The following AGBL4 variants were observed in gnomAD, a reference collection of about 807,000 sequenced individuals.
The protein encoded by AGBL4 is AGBL carboxypeptidase 4.
AGBL4 carries 58 observed loss-of-function variants against 66.4 expected under a neutral mutation model. The ratio of observed to expected loss-of-function variants is 0.87; its 90% CI spans 0.71 to 1.09. The LOEUF (loss-of-function observed/expected upper bound fraction) is 1.09. Among genes scored for constraint, AGBL4 ranks in the 50% least tolerant of loss-of-function variants. AGBL4 has a pLI of 0.00. For synonymous variants in AGBL4, 234 were observed against 222.9 expected (o/e 1.05, Z -0.44); for missense variants, 579 against 631.0 (o/e 0.92, Z 0.88).
At chr1:48,707,102 T>C (rs1454620684) in intron 6 of AGBL4, among the ~76,000 whole-genome samples, 1 of 152,200 alleles carries the variant, frequency 6.6e-6, no homozygotes, top group Non-Finnish European at 1.5e-5. Context: ...GAGACCAGCC[T>C]GGGTAACATG....
intron 5 of AGBL4, among the ~76,000 whole-genome samples, chr1:49,018,232 C>T (rs897730248): frequency 1.3e-5 from 2 of 152,164 alleles, no homozygotes; most frequent in Admixed American, 6.5e-5. Context: ...TTTTAGTCTC[C>T]TCTACAGGTG....
chr1:49,909,220 T>C (rs1015620315), intron 1 of AGBL4, among the ~76,000 whole-genome samples: 3 of 152,202 alleles, frequency 2.0e-5, no homozygotes, highest in Non-Finnish European at 4.4e-5. Context: ...GTATCTGGCA[T>C]ATGGTAAGAG....
chr1:48,709,754 A>C (rs1646936311), intron 6 of AGBL4, among the ~76,000 whole-genome samples: 1 of 151,940 alleles, frequency 6.6e-6, no homozygotes. Flanking sequence ...GGCACCCGCC[A>C]CCACGCCTGG....
chr1:48,815,780 C>T (rs1646159151), intron 6 of AGBL4, among the ~76,000 whole-genome samples: 1 of 152,100 alleles, frequency 6.6e-6, no homozygotes, highest in South Asian at 2.1e-4. Context: ...TTGTTCTTCA[C>T]TGTATGGATC....
chr1:48,715,036 G>T (rs113530951), intron 6 of AGBL4, among the ~76,000 whole-genome samples: 2 of 152,204 alleles, frequency 1.3e-5, no homozygotes, highest in African/African-American at 4.8e-5. Flanking sequence ...GGAAAAGGAC[G>T]AGAGAGTACC....
chr1:49,072,099 G>A (rs1007095452), intron 4 of AGBL4, among the ~76,000 whole-genome samples: 9 of 152,058 alleles, frequency 5.9e-5, no homozygotes, highest in South Asian at 2.1e-4. Flanking sequence ...TTGCCTGGTA[G>A]GTCTTCCTCC....
rs758680363 is a variant in AGBL4, at chr1:49,225,023, T to TA, written c.377+20746dup. Among the ~76,000 whole-genome samples the TA allele has an allele frequency of 4.3e-4, 65 of 152,240 alleles. 1 individual carries two copies. Among genetic ancestry groups the TA allele is most frequent in the Non-Finnish European group, 5.1e-4 (35 of 68,020 alleles). On this transcript the variant is annotated intron_variant, in intron 4 of 13. Transcript: ENST00000371839. The stretch of plus-strand genomic sequence containing the variant: ...AAAGAGCAGATAGTGGGAAAGTTAT[T>TA]AAAAGGAAAGCAAAGCAGTCAGATG...
At chr1:49,665,486 T>C (rs998770174) in intron 3 of AGBL4, among the ~76,000 whole-genome samples, 21 of 152,160 alleles carry the variant, frequency 1.4e-4, no homozygotes, top group African/African-American at 4.8e-4. Flanking sequence ...TGAGGCTTTA[T>C]ATTATCTATA....
At chr1:49,747,372 A>T (rs1558217186) in intron 2 of AGBL4, among the ~76,000 whole-genome samples, 1 of 152,154 alleles carries the variant, frequency 6.6e-6, no homozygotes, top group Non-Finnish European at 1.5e-5. Flanking sequence ...TGAAAATAGA[A>T]GCAAAATTTC....
intron 4 of AGBL4, among the ~76,000 whole-genome samples, chr1:49,161,324 C>A (rs1646537620): frequency 6.6e-6 from 1 of 152,160 alleles, no homozygotes; most frequent in Non-Finnish European, 1.5e-5. Context: ...TGACCCCTTG[C>A]ACTTCCTGGG....
chr1:49,062,449 T>C (rs946428473), intron 4 of AGBL4, among the ~76,000 whole-genome samples: 11 of 152,228 alleles, frequency 7.2e-5, no homozygotes, highest in African/African-American at 2.7e-4. Flanking sequence ...TTGTACACCA[T>C]GAATCCCTAC....
chr1:49,620,378 C>T (rs1482574541), intron 3 of AGBL4, among the ~76,000 whole-genome samples: 2 of 152,150 alleles, frequency 1.3e-5, no homozygotes, highest in Non-Finnish European at 2.9e-5. Flanking sequence ...AGCTCATCAT[C>T]ACTGGTCATT....
intron 6 of AGBL4, among the ~76,000 whole-genome samples, chr1:48,680,835 C>T (rs1258661705): frequency 2.0e-5 from 3 of 152,266 alleles, no homozygotes; most frequent in South Asian, 2.1e-4. Flanking sequence ...GAACAAAGGG[C>T]GAGAGTGCAA....
chr1:48,940,101 A>C (rs779285912), intron 5 of AGBL4, among the ~76,000 whole-genome samples: 2 of 152,212 alleles, frequency 1.3e-5, no homozygotes, highest in Non-Finnish European at 2.9e-5. Context: ...TTGTGAGATA[A>C]GCAGGTTGGA....
intron 1 of AGBL4, among the ~76,000 whole-genome samples, chr1:49,884,822 A>G (rs916057178): frequency 6.6e-6 from 1 of 151,922 alleles, no homozygotes; most frequent in Non-Finnish European, 1.5e-5. Context: ...AAAATTATGA[A>G]CATATTTTGG....
At chr1:48,828,973 T>C (rs1570768578) in intron 6 of AGBL4, among the ~76,000 whole-genome samples, 1 of 152,336 alleles carries the variant, frequency 6.6e-6, no homozygotes, top group Non-Finnish European at 1.5e-5. Context: ...CTCTTTGCTA[T>C]GATGCCTTCC....
rs979345820 is a variant in AGBL4 at position 49,690,128 on chromosome 1, A to AT, written c.282+7184dup. Among the ~76,000 whole-genome samples, 186 of 150,110 alleles carry AT rather than the reference A, an allele frequency of 1.2e-3. 2 individuals carry two copies. The highest frequency in any genetic ancestry group is 3.8e-3 in the African/African-American group (156 of 41,000). On this transcript the variant is annotated intron_variant, in intron 3 of 13. Coordinates refer to ENST00000371839, the MANE Select transcript of AGBL4 (RefSeq NM_032785.4). Reference sequence around the variant, plus strand: ...TCACTGAAGCCTCAGATGAACATTAATTTTTTTTTTGCAATAAAGTGTTTC... The same window carrying AT: ...TCACTGAAGCCTCAGATGAACATTAATTTTTTTTTTTGCAATAAAGTGTTTC...
At chr1:48,582,655 C>G (rs1644757519) in intron 11 of AGBL4, among the ~76,000 whole-genome samples, 2 of 152,146 alleles carry the variant, frequency 1.3e-5, no homozygotes. Context: ...CCAGGCAGTA[C>G]CAGGAGAATG....
intron 5 of AGBL4, among the ~76,000 whole-genome samples, chr1:48,986,189 C>T (rs957207234): frequency 1.3e-5 from 2 of 151,906 alleles, no homozygotes; most frequent in African/African-American, 4.8e-5. Context: ...TTTAATTATC[C>T]TACTATACAA....
Sources: allele counts gnomAD v4.1 joint callset (sites outside exome capture counted in the v4.1 genomes callset), GRCh38; gene constraint gnomAD v4.1.1; transcripts MANE v1.5; gene names NCBI Gene and HGNC (gene_info 2026-07-23, HGNC 2026-07-21).